Variants in SH3YL1 observed in about 807,000 individuals in gnomAD.
SH3YL1 encodes the protein SH3 domain-containing YSC84-like protein 1.
In SH3YL1, 41 loss-of-function variants were observed where a neutral mutation model predicts 45.8. The ratio of observed to expected loss-of-function variants is 0.89; its 90% CI spans 0.70 to 1.16. The LOEUF (loss-of-function observed/expected upper bound fraction) is 1.16. SH3YL1 is among the 50% of genes most tolerant of loss of function. The pLI, the probability that SH3YL1 is intolerant of heterozygous loss-of-function variation, is 0.00. For missense variants in SH3YL1, 389 were observed against 409.6 expected (o/e 0.95, Z 0.43); for synonymous variants, 152 against 151.4 (o/e 1.00, Z -0.03).
rs547135327 is a variant in SH3YL1 at position 255,089 on chromosome 2, T to C, written c.2-1974A>G. On this transcript the variant is annotated intron_variant, in intron 1 of 9. Transcript: ENST00000356150. ...CCTTGAGCACGTCATCAGGACCTCC[T>C]GAGGCTGTGTCATGGGCTGTCCTTA... Among the ~76,000 whole-genome samples, 4 of 152,334 alleles carry C rather than the reference T, an allele frequency of 2.6e-5. No individual in the cohort carries two copies. In the South Asian group the frequency reaches 8.3e-4, roughly 32 times the overall value.
intron 4 of SH3YL1, chr2:243,507 A>T (rs1186792344): frequency 6.5e-7 from 1 of 1,537,460 alleles, no homozygotes; most frequent in Admixed American, 2.1e-5. Context: ...ACATACCCAC[A>T]CTTATGGAAG....
intron 1 of SH3YL1, chr2:260,449 T>C (rs1443671472): frequency 6.6e-6 from 1 of 152,214 alleles, no homozygotes; most frequent in Non-Finnish European, 1.5e-5. Context: ...ACAGCAGGGC[T>C]TTATAACCAA....
At chr2:246,033 T>A (rs1379098643) in intron 4 of SH3YL1, among the ~76,000 whole-genome samples, 1 of 151,908 alleles carries the variant, frequency 6.6e-6, no homozygotes, top group Non-Finnish European at 1.5e-5. Flanking sequence ...CCATCTCTAC[T>A]AAAAATACAA....
At chr2:221,396 T>C (rs530938205) in intron 9 of SH3YL1, among the ~76,000 whole-genome samples, 2 of 152,296 alleles carry the variant, frequency 1.3e-5, no homozygotes, top group African/African-American at 4.8e-5. Context: ...GAATATATTT[T>C]ATGAGGAATA....
chr2:229,985 C>G lies in SH3YL1; in HGVS notation c.762G>C (p.Gln254His). Residue 254 changes from glutamine (Q) to histidine (H), a missense_variant, in exon 8 of 10, where the codon CAG becomes CAC. Coordinates refer to ENST00000356150, the MANE Select transcript of SH3YL1 (RefSeq NM_015677.4). ...SRPQQSSAPV[Q>H]LNSGSQSNRN... ...ATTTACTTTGAGAGCCAGAGTTCAG[C>G]TGGACTGGTGCAGATGACTGCTGTG... 1 of 1,612,868 alleles carries G rather than the reference C, an allele frequency of 6.2e-7. No homozygotes were observed. Among genetic ancestry groups the G allele is most frequent in the Non-Finnish European group, 8.5e-7 (1 of 1,179,138 alleles).
In SH3YL1 at chr2:231,078, T is replaced by C. The variant is rs1415713416; in HGVS notation, c.647A>G (p.Asn216Ser). Residue 216 changes from asparagine (N) to serine (S), a missense_variant, in exon 7 of 10, where the codon AAT (asparagine) becomes AGT (serine). Transcript: ENST00000356150. Reference sequence around the variant, plus strand: ...TCTTGCATTGATTCGTTGTCCTTCATTTTCATACTTTTCAGTAAAGGAATC... The same window carrying C: ...TCTTGCATTGATTCGTTGTCCTTCACTTTCATACTTTTCAGTAAAGGAATC... ...ILDSFTEKYE[N>S]EGQRINARKA... is the part of the protein sequence containing the mutation. 3 of 1,614,120 alleles carry C rather than the reference T, an allele frequency of 1.9e-6. No homozygotes were observed. In the South Asian group the frequency reaches 3.3e-5, roughly 18 times the overall value.
At chr2:253,142 T>G in intron 1 of SH3YL1, 27 bp from the exon 2 acceptor site, 2 of 1,242,308 alleles carry the variant, frequency 1.6e-6, no homozygotes, top group South Asian at 2.8e-5. Flanking sequence ...GATATTTTAA[T>G]GAAAAATTCT....
intron 4 of SH3YL1, among the ~76,000 whole-genome samples, chr2:238,266 T>C (rs1411410912): frequency 1.5e-5 from 1 of 68,404 alleles, no homozygotes; most frequent in Non-Finnish European, 3.7e-5. Context: ...TCCTTGTGTG[T>C]GTGTGTGTGT....
chr2:251,860 C>A (rs1270060239), intron 2 of SH3YL1, among the ~76,000 whole-genome samples: 1 of 152,192 alleles, frequency 6.6e-6, no homozygotes. Flanking sequence ...CATTAAAGTT[C>A]TATTAAATAA....
At position 233,162 on chromosome 2, in the gene SH3YL1, G is replaced by C; in HGVS notation, c.472C>G (p.Leu158Val). ...CCTTCTAAAGACACGCCTGCAAAGA[G>C]TCCCCTTGACTTGCAGTACGTGAAG... is the stretch of plus-strand genomic sequence containing the variant. ...AVFTYCKSRG[L>V]FAGVSLEGSC... The change falls in exon 6 of 10, where the codon CTC (leucine) becomes GTC (valine). Residue 158 changes from leucine (L) to valine (V), a missense_variant. Leu to Val is a conservative substitution (Grantham distance 32). Coordinates refer to ENST00000356150, the MANE Select transcript of SH3YL1 (RefSeq NM_015677.4). The C allele has an allele frequency of 6.3e-7, 1 of 1,598,884 alleles. No individual in the cohort carries two copies. Among genetic ancestry groups the C allele is most frequent in the Non-Finnish European group, 8.5e-7 (1 of 1,171,234 alleles).
chr2:253,658 T>C (rs115115727), intron 1 of SH3YL1, among the ~76,000 whole-genome samples: 175 of 152,310 alleles, frequency 1.1e-3, no homozygotes, highest in African/African-American at 4.1e-3. Context: ...CAATTGTAAG[T>C]ATCCTTAGTT....
intron 1 of SH3YL1, chr2:262,926 AC>A: frequency 6.7e-6 from 2 of 296,776 alleles, no homozygotes; most frequent in Non-Finnish European, 6.6e-6. Context: ...GAACCAAATA[AC>A]CAATTCTCCT....
At chr2:257,496 A>C (rs1445359844) in intron 1 of SH3YL1, among the ~76,000 whole-genome samples, 1 of 152,230 alleles carries the variant, frequency 6.6e-6, no homozygotes, top group African/African-American at 2.4e-5. Context: ...AGGAGTATGC[A>C]TCTGTAACAA....
intron 4 of SH3YL1, chr2:243,697 C>T (rs1420294902): frequency 3.0e-6 from 3 of 983,906 alleles, no homozygotes; most frequent in Non-Finnish European, 4.3e-6. Context: ...CCTTAAGTTT[C>T]TTCCCCGGAA....
At chr2:244,770 CTCGGCCT>C (rs1284765068) in intron 4 of SH3YL1, 1 of 152,134 alleles carries the variant, frequency 6.6e-6, no homozygotes, top group Non-Finnish European at 1.5e-5. Context: ...TTGAGAAAGT[CTCGGCCT>C]TCCCGGTACT....
intron 1 of SH3YL1, among the ~76,000 whole-genome samples, chr2:258,509 T>C (rs1440011416): frequency 1.3e-5 from 2 of 152,246 alleles, no homozygotes; most frequent in Non-Finnish European, 2.9e-5. Context: ...TTTTTACTCC[T>C]TTCTAGTAAA....
At chr2:233,516 T>C (rs1668152100) in intron 5 of SH3YL1, among the ~76,000 whole-genome samples, 1 of 152,220 alleles carries the variant, frequency 6.6e-6, no homozygotes, top group African/African-American at 2.4e-5. Flanking sequence ...TTTTAAAAAT[T>C]TGTAAATCTG....
rs538746141 is a variant in SH3YL1, at chr2:230,721, C to G, written c.702+302G>C. The G allele has an allele frequency of 2.1e-4, 69 of 331,392 alleles. No homozygotes were observed. The South Asian group carries it at 2.1e-3, about 10-fold the overall frequency. The allele number at this position is 331,392 out of a possible 1,614,324, so 20.5% of individuals were successfully genotyped here. A position where few individuals can be genotyped will look rare whatever the true frequency, so the allele number is the denominator to read the frequency against. On this transcript the variant is annotated intron_variant, in intron 7 of 9. Coordinates refer to ENST00000356150, the MANE Select transcript of SH3YL1 (RefSeq NM_015677.4). The stretch of plus-strand genomic sequence containing the variant: ...AGGGGGTTTTGCCATGTTGGCCAGG[C>G]TGGTCTGAAACTCCTGATCTCAAGT...
At chr2:259,692 C>T in intron 1 of SH3YL1, 1 of 151,228 alleles carries the variant, frequency 6.6e-6, no homozygotes, top group East Asian at 1.9e-4. Flanking sequence ...GAAGAAAATT[C>T]AGAAATTAAC....
Sources: allele counts gnomAD v4.1 joint callset (sites outside exome capture counted in the v4.1 genomes callset), GRCh38; gene constraint gnomAD v4.1.1; transcripts MANE v1.5; gene names NCBI Gene and HGNC (gene_info 2026-07-23, HGNC 2026-07-21).